Variants in SMG6 observed in about 807,000 individuals in gnomAD.
The protein encoded by SMG6 is SMG6 nonsense mediated mRNA decay factor, also known as telomerase-binding protein EST1A.
A neutral mutation model predicts 142.2 loss-of-function variants in SMG6; 66 were observed. The ratio of observed to expected loss-of-function variants is 0.46; its 90% CI spans 0.38 to 0.57. The LOEUF (loss-of-function observed/expected upper bound fraction) is 0.57, where lower values mean the gene tolerates loss of function less well. Ranked by LOEUF, SMG6 falls within the 20% of genes least tolerant of loss-of-function variation. SMG6 has a pLI of 0.00. For synonymous variants in SMG6, 779 were observed against 702.4 expected (o/e 1.11, Z -1.72); for missense variants, 1,793 against 1,832.0 (o/e 0.98, Z 0.39).
intron 8 of SMG6, among the ~76,000 whole-genome samples, chr17:2,253,461 C>A (rs761492195): frequency 6.6e-6 from 1 of 152,084 alleles, no homozygotes; most frequent in Admixed American, 6.6e-5. Flanking sequence ...TCTGCTGATA[C>A]CTGGGCTAAA....
At chr17:2,096,330 C>G (rs2068854412) in intron 13 of SMG6, among the ~76,000 whole-genome samples, 1 of 152,190 alleles carries the variant, frequency 6.6e-6, no homozygotes, top group South Asian at 2.1e-4. Context: ...GCCTCAGCCT[C>G]CTGAGTAGCT....
At chr17:2,108,777 G>A (rs1185771318) in intron 13 of SMG6, among the ~76,000 whole-genome samples, 1 of 152,070 alleles carries the variant, frequency 6.6e-6, no homozygotes, top group Non-Finnish European at 1.5e-5. Context: ...ACCCGTCTCT[G>A]CTAAAAATAT....
chr17:2,162,285 G>A (rs957979190), intron 13 of SMG6, among the ~76,000 whole-genome samples: 11 of 152,208 alleles, frequency 7.2e-5, no homozygotes, highest in Non-Finnish European at 1.6e-4. Flanking sequence ...GGCCGAGGCG[G>A]CCAGATCACG....
chr17:2,082,194 C>A lies in SMG6; in HGVS notation c.3535-238G>T, dbSNP rs561886301. On this transcript the variant is annotated intron_variant, in intron 14 of 18. Transcript: ENST00000263073. ...CTGGGGCTTTTCCCTCAGAGAGTTA[C>A]ACCATAAGTCACTCGCAATCACACA... 4 of 525,794 alleles carry A rather than the reference C, an allele frequency of 7.6e-6. No homozygotes were observed. The South Asian group carries it at 7.8e-5, about 10-fold the overall frequency. 32.6% of individuals were successfully genotyped at this position (525,794 alleles called of 1,614,324 possible).
At chr17:2,203,739 G>A (rs145416138) in intron 10 of SMG6, among the ~76,000 whole-genome samples, 19 of 152,222 alleles carry the variant, frequency 1.2e-4, no homozygotes, top group African/African-American at 4.6e-4. Flanking sequence ...TTTTAATAAA[G>A]CAAGGAGAGA....
At chr17:2,181,278 A>C (rs931207992) in intron 12 of SMG6, among the ~76,000 whole-genome samples, 1 of 152,232 alleles carries the variant, frequency 6.6e-6, no homozygotes, top group East Asian at 1.9e-4. Context: ...CAGGCCTCTG[A>C]TCTGAAGACT....
chr17:2,214,801 G>A (rs1567688976), intron 10 of SMG6, among the ~76,000 whole-genome samples: 1 of 152,140 alleles, frequency 6.6e-6, no homozygotes, highest in Non-Finnish European at 1.5e-5. Context: ...TAGCTCTCTT[G>A]GAAAGAAACC....
intron 10 of SMG6, among the ~76,000 whole-genome samples, chr17:2,211,439 C>T (rs1333958569): frequency 1.3e-5 from 2 of 151,966 alleles, no homozygotes; most frequent in Non-Finnish European, 2.9e-5. Flanking sequence ...CCAAGGCAGG[C>T]GGATCATGAG....
intron 13 of SMG6, among the ~76,000 whole-genome samples, chr17:2,086,919 G>C (rs1173115359): frequency 6.6e-6 from 1 of 152,182 alleles, no homozygotes; most frequent in Non-Finnish European, 1.5e-5. Flanking sequence ...TTCCACATGG[G>C]AAACACACGT....
At chr17:2,126,778 G>A (rs868375728) in intron 13 of SMG6, among the ~76,000 whole-genome samples, 4 of 150,936 alleles carry the variant, frequency 2.7e-5, no homozygotes, top group Admixed American at 2.0e-4. Flanking sequence ...TGCATCAAAG[G>A]TGGAAACTCA....
intron 13 of SMG6, among the ~76,000 whole-genome samples, chr17:2,171,827 C>T (rs1212928865): frequency 6.6e-6 from 1 of 151,836 alleles, no homozygotes; most frequent in Non-Finnish European, 1.5e-5. Context: ...GTGGAGCCTC[C>T]CCAAAGGCCT....
At chr17:2,195,625 A>C (rs2072301130) in intron 10 of SMG6, among the ~76,000 whole-genome samples, 1 of 152,218 alleles carries the variant, frequency 6.6e-6, no homozygotes, top group African/African-American at 2.4e-5. Flanking sequence ...TCTAACCATG[A>C]ATGACATGAT....
intron 13 of SMG6, among the ~76,000 whole-genome samples, chr17:2,094,174 G>C (rs370714682): frequency 6.6e-6 from 1 of 152,288 alleles, no homozygotes; most frequent in South Asian, 2.1e-4. Flanking sequence ...TTCACAGTGG[G>C]GTACGGGCGG....
chr17:2,222,542 G>T (rs12944787), intron 10 of SMG6, among the ~76,000 whole-genome samples: 1 of 37,518 alleles, frequency 2.7e-5, no homozygotes, highest in Non-Finnish European at 7.8e-5. Context: ...GAGAGGCAAT[G>T]CGGGGGCGGG....
At chr17:2,258,267 C>T (rs2074237115) in intron 8 of SMG6, among the ~76,000 whole-genome samples, 1 of 151,810 alleles carries the variant, frequency 6.6e-6, no homozygotes, top group Admixed American at 6.6e-5. Context: ...TTAAAAAAGG[C>T]GACCTTGGCT....
chr17:2,187,486 A>C (rs1386998019), intron 11 of SMG6, among the ~76,000 whole-genome samples: 1 of 152,224 alleles, frequency 6.6e-6, no homozygotes, highest in Non-Finnish European at 1.5e-5. Context: ...TGTTAAGAGA[A>C]TATCCTTATT....
At chr17:2,229,632 G>A (rs1197392993) in intron 10 of SMG6, among the ~76,000 whole-genome samples, 1 of 152,172 alleles carries the variant, frequency 6.6e-6, no homozygotes, top group African/African-American at 2.4e-5. Context: ...TAACTATAAA[G>A]TGTCATCATG....
rs372533222 is a variant in SMG6 at position 2,186,380 on chromosome 17, T to C, written c.3155+283A>G. On this transcript the variant is annotated intron_variant, in intron 12 of 18. Coordinates refer to ENST00000263073, the MANE Select transcript of SMG6 (RefSeq NM_017575.5). Reference sequence around the variant, plus strand: ...CTGCAGAGATGGTGAGTATGCACAATATGGAGTGAGGATGAGGGAACGAGA... The same window carrying C: ...CTGCAGAGATGGTGAGTATGCACAACATGGAGTGAGGATGAGGGAACGAGA... Among the ~76,000 whole-genome samples, 52 of 150,012 alleles carry C rather than the reference T, an allele frequency of 3.5e-4. No individual in the cohort carries two copies. The South Asian group carries it at 0.01, about 29-fold the overall frequency.
intron 9 of SMG6, 164 bp from the exon 10 acceptor site, chr17:2,236,801 C>T (rs2073674353): frequency 7.6e-7 from 1 of 1,314,202 alleles, no homozygotes; most frequent in African/African-American, 1.5e-5. Context: ...ACAAACCTTC[C>T]CGGTATCCTG....
Sources: allele counts gnomAD v4.1 joint callset (sites outside exome capture counted in the v4.1 genomes callset), GRCh38; gene constraint gnomAD v4.1.1; transcripts MANE v1.5; gene names NCBI Gene and HGNC (gene_info 2026-07-23, HGNC 2026-07-21).